LITAF: variants seen among roughly 807,000 people sequenced by gnomAD.
LITAF encodes lipopolysaccharide-induced tumor necrosis factor-alpha factor.
Under a neutral mutation model 14.5 loss-of-function variants are expected in LITAF, and 9 were observed. That is an observed-to-expected ratio of 0.62 (90% CI 0.37 to 1.08). LITAF has a LOEUF of 1.08. LITAF is among the 50% of genes least tolerant of loss of function. The pLI is 0.01. For synonymous variants in LITAF, 98 were observed against 88.2 expected, an observed-to-expected ratio of 1.11 and a Z score of -0.62; for missense variants, 206 against 213.4, an observed-to-expected ratio of 0.97 and a Z score of 0.22.
At chr16:11,585,516 A>G (rs535687723) in intron 1 of LITAF, among the ~76,000 whole-genome samples, 3 of 152,298 alleles carry the variant, frequency 2.0e-5, no homozygotes, top group East Asian at 3.9e-4. Context: ...AAAGCAAGTC[A>G]CACGCCATCT....
intron 1 of LITAF, among the ~76,000 whole-genome samples, chr16:11,572,719 G>T (rs546424267): frequency 6.6e-6 from 1 of 152,302 alleles, no homozygotes; most frequent in Non-Finnish European, 1.5e-5. Flanking sequence ...GAATAGAGAG[G>T]TGACAACTGA....
upstream of LITAF, among the ~76,000 whole-genome samples, chr16:11,601,608 C>T (rs568339412): frequency 1.3e-4 from 20 of 152,262 alleles, no homozygotes; most frequent in South Asian, 3.7e-3. Context: ...CTCGCTCTGT[C>T]GCTCAGGCTG....
chr16:11,609,359 C>A (rs999558573), intron 3 of LITAF, among the ~76,000 whole-genome samples: 1 of 151,964 alleles, frequency 6.6e-6, no homozygotes, highest in Non-Finnish European at 1.5e-5. Flanking sequence ...TTACAGGCGC[C>A]TGCCACCACA....
chr16:11,607,960 G>C (rs781384530), intron 3 of LITAF, among the ~76,000 whole-genome samples: 14 of 152,094 alleles, frequency 9.2e-5, no homozygotes, highest in Admixed American at 3.3e-4. Context: ...AAGAACCCCT[G>C]TCCCAGCTCC....
chr16:11,599,469 C>T (rs1002380618), upstream of LITAF, among the ~76,000 whole-genome samples: 1 of 152,092 alleles, frequency 6.6e-6, no homozygotes, highest in Non-Finnish European at 1.5e-5. Flanking sequence ...AAAACAAAAC[C>T]CTGCAAGGCC....
upstream of LITAF, among the ~76,000 whole-genome samples, chr16:11,599,448 C>G (rs1597366772): frequency 6.6e-6 from 1 of 152,184 alleles, no homozygotes; most frequent in South Asian, 2.1e-4. Context: ...CTTTAAGCTC[C>G]CCTTCCACCC....
chr16:11,638,137 G>T (rs982572729), upstream of LITAF, among the ~76,000 whole-genome samples: 1 of 133,154 alleles, frequency 7.5e-6, no homozygotes. Context: ...TAGATAGATA[G>T]ATAGATATGA....
chr16:11,568,796 C>A (rs1166350038), intron 1 of LITAF, among the ~76,000 whole-genome samples: 1 of 151,722 alleles, frequency 6.6e-6, no homozygotes, highest in Non-Finnish European at 1.5e-5. Flanking sequence ...TCTCTCACGT[C>A]AGCTTCCTGA....
At chr16:11,614,153 A>C (rs1029271034) in intron 3 of LITAF, among the ~76,000 whole-genome samples, 1 of 152,130 alleles carries the variant, frequency 6.6e-6, no homozygotes, top group African/African-American at 2.4e-5. Flanking sequence ...AAATGACCAC[A>C]AACTAGGTGG....
intron 3 of LITAF, among the ~76,000 whole-genome samples, chr16:11,627,807 G>A (rs956175769): frequency 1.3e-5 from 2 of 152,116 alleles, no homozygotes; most frequent in Non-Finnish European, 2.9e-5. Flanking sequence ...TTGTGCCACT[G>A]TGCTCCAGCC....
rs1181961125 is a variant in LITAF at position 11,553,933 on chromosome 16, C to CT, written c.221-245dup. On this transcript the variant is annotated intron_variant, in intron 2 of 3. Transcript: ENST00000622633. This position sits in a 1 kb window ranked among gnomAD's most constrained non-coding sequence, Gnocchi z 7.7. The stretch of plus-strand genomic sequence containing the variant: ...TCCATCCACCAGAATATGATTCAGC[C>CT]TCAAAAAGAAAGGAGGACCGGGCGC... Among the ~76,000 whole-genome samples, 1 of 152,124 alleles carries CT rather than the reference C, an allele frequency of 6.6e-6. No individual in the cohort carries two copies. The highest frequency in any genetic ancestry group is 6.5e-5 in the Admixed American group (1 of 15,268).
In LITAF at chr16:11,548,055, T is replaced by C. The variant is rs1296376697; in HGVS notation, c.*1582A>G. The C allele has an allele frequency of 2.2e-5, 10 of 454,112 alleles. 1 individual carries two copies. Among genetic ancestry groups the C allele is most frequent in the South Asian group, 1.6e-4 (10 of 64,478 alleles). The allele number at this position is 454,112 out of a possible 1,614,324, so 28.1% of individuals were successfully genotyped here. ...AAGCAGGTAACACCAAAGTACTATG[T>C]GGTATCCATATTCGTTGCAAAAATG... is the stretch of plus-strand genomic sequence containing the variant. On this transcript the variant is annotated 3_prime_UTR_variant, in exon 4 of 4. Coordinates refer to ENST00000622633, the MANE Select transcript of LITAF (RefSeq NM_001136472.2).
In LITAF at chr16:11,629,764, A is replaced by G. The variant is rs564978587; in HGVS notation, c.85+3769T>C. On this transcript the variant is annotated intron_variant, in intron 3 of 3. Transcript: ENST00000574848. ...AGGCAGAGGCAGCCAGTTTCGAATC[A>G]TGATTCTGGGTTGACTCAAGTCTCC... is the stretch of plus-strand genomic sequence containing the variant. 1.6e-4 allele frequency among the ~76,000 whole-genome samples: 24 copies of G among 152,224 alleles called. 1 individual carries two copies. The South Asian group carries it at 1.7e-3, about 11-fold the overall frequency.
chr16:11,612,013 C>A (rs1356769241), intron 3 of LITAF, among the ~76,000 whole-genome samples: 2 of 152,210 alleles, frequency 1.3e-5, no homozygotes, highest in Non-Finnish European at 2.9e-5. Flanking sequence ...AGTGTGACAA[C>A]AACCCCCATC....
chr16:11,608,221 A>G (rs2064964462), intron 3 of LITAF, among the ~76,000 whole-genome samples: 2 of 152,208 alleles, frequency 1.3e-5, no homozygotes, highest in Non-Finnish European at 2.9e-5. Flanking sequence ...GCCCAAGATC[A>G]CACCGCAAGC....
intron 1 of LITAF, among the ~76,000 whole-genome samples, chr16:11,582,334 AAAAAG>A (rs1442220241): frequency 6.6e-6 from 1 of 151,572 alleles, no homozygotes; most frequent in Non-Finnish European, 1.5e-5. Flanking sequence ...AAAAAAAAAA[AAAAAG>A]AACTCCCCAC....
At chr16:11,631,853 CTTTTT>C (rs34507448) in intron 3 of LITAF, among the ~76,000 whole-genome samples, 2 of 134,540 alleles carry the variant, frequency 1.5e-5, no homozygotes, top group Non-Finnish European at 3.3e-5. Context: ...CTTTTCTTTT[CTTTTT>C]TTTTTTTTTT....
intron 2 of LITAF, among the ~76,000 whole-genome samples, chr16:11,554,989 C>T (rs929262348): frequency 2.6e-5 from 4 of 152,060 alleles, no homozygotes; most frequent in African/African-American, 9.7e-5. Context: ...AAAGACCCTC[C>T]TTCCAGAAAA....
chr16:11,612,752 C>T (rs1005839468), intron 3 of LITAF, among the ~76,000 whole-genome samples: 7 of 152,096 alleles, frequency 4.6e-5, no homozygotes, highest in African/African-American at 1.4e-4. Flanking sequence ...GGCGGAGGGA[C>T]GAGGACAGAC....
Sources: gnomAD v4.1 joint callset for allele counts (sites outside exome capture counted in the v4.1 genomes callset) on GRCh38, gnomAD v4.1.1 for gene constraint, Gnocchi (gnomAD v3.1) non-coding constraint, MANE v1.5 for transcripts, NCBI Gene and HGNC (gene_info 2026-07-23, HGNC 2026-07-21) for gene names.